The following PSD2 variants were observed in gnomAD, a reference collection of about 807,000 sequenced individuals.
PSD2 encodes the protein pleckstrin and Sec7 domain containing 2.
PSD2 carries 38 observed loss-of-function variants against 69.8 expected under a neutral mutation model. That is an observed-to-expected ratio of 0.54 (90% CI 0.42 to 0.71). The LOEUF (loss-of-function observed/expected upper bound fraction) is 0.71, where lower values mean the gene tolerates loss of function less well. Among genes scored for constraint, PSD2 ranks in the 30% least tolerant of loss-of-function variants. The pLI, the probability that PSD2 is intolerant of heterozygous loss-of-function variation, is 0.00. For missense variants in PSD2, 943 were observed against 1,014.5 expected (o/e 0.93, Z 0.96); for synonymous variants, 412 against 423.0 (o/e 0.97, Z 0.32).
At chr5:139,835,900 T>A in intron 9 of PSD2, 134 bp downstream of exon 9, 1 of 815,722 alleles carries the variant, frequency 1.2e-6, no homozygotes, top group Non-Finnish European at 2.1e-6. Flanking sequence ...TACCTGTGTC[T>A]AGCTGGCGCA....
At chr5:139,755,969 T>C in the PSD2 span, among the ~76,000 whole-genome samples, 1 of 152,206 alleles carries the variant, frequency 6.6e-6, no homozygotes, top group East Asian at 1.9e-4. Context: ...ACAGGTTCAG[T>C]GTATGTGCCT....
chr5:139,821,887 T>C lies in PSD2; in HGVS notation c.1098-6T>C. 6.3e-7 allele frequency: 1 copy of C among 1,593,318 alleles called. No homozygotes were observed. The highest frequency in any genetic ancestry group is 1.1e-5 in the South Asian group (1 of 88,162). ...CTGCCCTCAGCAGCTTTGAATTGCC[T>C]TCCAGAACATTCTTGAAGGCCTTCC... On this transcript the variant is annotated splice_polypyrimidine_tract_variant and splice_region_variant and intron_variant, in intron 5 of 14. Transcript: ENST00000274710.
chr5:139,743,777 G>A, the PSD2 span: 1 of 152,346 alleles, frequency 6.6e-6, no homozygotes, highest in East Asian at 1.9e-4. Context: ...GGACCATACT[G>A]CTGAGAGTCT....
chr5:139,752,332 A>T, the PSD2 span, among the ~76,000 whole-genome samples: 1 of 151,378 alleles, frequency 6.6e-6, no homozygotes, highest in Non-Finnish European at 1.5e-5. Context: ...ACACCCTTCC[A>T]CTCCCACCCA....
In PSD2 at chr5:139,842,602, C is replaced by G; in HGVS notation, c.*128C>G. Reference sequence around the variant, plus strand: ...TGGGCAGCTAGAGGGGTGCAGAAAGCCTGTGGGCCCAGGAGATGGAGATGC... The same window carrying G: ...TGGGCAGCTAGAGGGGTGCAGAAAGGCTGTGGGCCCAGGAGATGGAGATGC... On this transcript the variant is annotated 3_prime_UTR_variant, in exon 15 of 15. Coordinates refer to ENST00000274710, the MANE Select transcript of PSD2 (RefSeq NM_032289.4). The G allele has an allele frequency of 1.1e-5, 9 of 800,168 alleles. No homozygotes were observed. The highest frequency in any genetic ancestry group is 1.8e-5 in the Non-Finnish European group (9 of 498,828). The allele number at this position is 800,168 out of a possible 1,614,324, so 49.6% of individuals were successfully genotyped here.
rs958679679 is a variant in PSD2, at chr5:139,842,803, C to T, written c.*329C>T. On this transcript the variant is annotated 3_prime_UTR_variant, in exon 15 of 15. Coordinates refer to ENST00000274710, the MANE Select transcript of PSD2 (RefSeq NM_032289.4). ...GGCTGTTGTCTTCCCAGGTCTTTCT[C>T]TTCTCATCAAGCTCCTCTCCTCATC... 3 of 249,438 alleles carry T rather than the reference C, an allele frequency of 1.2e-5. No individual in the cohort carries two copies. Among genetic ancestry groups the T allele is most frequent in the Non-Finnish European group, 2.3e-5 (3 of 128,486 alleles). 15.5% of individuals were successfully genotyped at this position (249,438 alleles called of 1,614,324 possible). A position where few individuals can be genotyped will look rare whatever the true frequency, so the allele number is the denominator to read the frequency against.
At chr5:139,819,130 T>C (rs990964772) in intron 5 of PSD2, among the ~76,000 whole-genome samples, 3 of 152,250 alleles carry the variant, frequency 2.0e-5, no homozygotes, top group African/African-American at 7.2e-5. Flanking sequence ...ATACTTTGTA[T>C]AGAATTGTAG....
rs986480463 is a variant in PSD2 at position 139,804,979 on chromosome 5, G to A, written c.-50-4412G>A. ...TGTGTATGTGTGCGTGTGTGCGTGC[G>A]TGTGTGCATGTGTGTGTCTCTGTGT... is the stretch of plus-strand genomic sequence containing the variant. On this transcript the variant is annotated intron_variant, in intron 1 of 14. Coordinates refer to ENST00000274710, the MANE Select transcript of PSD2 (RefSeq NM_032289.4). Among the ~76,000 whole-genome samples the A allele has an allele frequency of 9.2e-5, 14 of 151,736 alleles. No individual in the cohort carries two copies. In the South Asian group the frequency reaches 1.5e-3, roughly 16 times the overall value.
chr5:139,800,439 G>T (rs927526875), intron 1 of PSD2, among the ~76,000 whole-genome samples: 1 of 152,208 alleles, frequency 6.6e-6, no homozygotes, highest in Non-Finnish European at 1.5e-5. Context: ...CTTTGTGTGT[G>T]TGTGTAGAGA....
chr5:139,780,360 G>A, the PSD2 span, among the ~76,000 whole-genome samples: 2 of 152,220 alleles, frequency 1.3e-5, no homozygotes, highest in Admixed American at 6.5e-5. Context: ...CCAGCTCTCC[G>A]TGACCCTGAA....
upstream of PSD2, among the ~76,000 whole-genome samples, chr5:139,793,472 T>C (rs1439544275): frequency 6.6e-6 from 1 of 152,202 alleles, no homozygotes; most frequent in Non-Finnish European, 1.5e-5. Context: ...TTGGGGGGAC[T>C]GGACTAGAAC....
rs1172146674 is a variant in PSD2 at position 139,844,460 on chromosome 5, G to C, written c.*1986G>C. ...GAGATGAAAATAAATCTAAGTCAAA[G>C]TTCTAATAGTTCTTCCTGCATTCGA... On this transcript the variant is annotated 3_prime_UTR_variant, in exon 15 of 15. Transcript: ENST00000274710. The C allele has an allele frequency of 1.3e-5, 2 of 152,538 alleles. No homozygotes were observed. The highest frequency in any genetic ancestry group is 3.8e-4 in the East Asian group (2 of 5,200). The allele number at this position is 152,538 out of a possible 1,614,324, so 9.4% of individuals were successfully genotyped here.
chr5:139,807,453 G>A (rs1454638281), intron 1 of PSD2, among the ~76,000 whole-genome samples: 1 of 148,654 alleles, frequency 6.7e-6, no homozygotes, highest in Admixed American at 6.9e-5. Context: ...AGCAACTACA[G>A]CAGCAGGGAT....
At chr5:139,745,418 G>A in the PSD2 span, among the ~76,000 whole-genome samples, 1 of 152,266 alleles carries the variant, frequency 6.6e-6, no homozygotes, top group Non-Finnish European at 1.5e-5. Flanking sequence ...CCCACTCCAA[G>A]TCCTGAGTCA....
intron 7 of PSD2, among the ~76,000 whole-genome samples, chr5:139,831,666 A>C (rs1281078960): frequency 6.6e-6 from 1 of 152,202 alleles, no homozygotes; most frequent in Non-Finnish European, 1.5e-5. Context: ...CTCTTAACTT[A>C]CATACTCCTG....
the PSD2 span, among the ~76,000 whole-genome samples, chr5:139,780,463 AGACATT>A: frequency 2.4e-4 from 36 of 151,816 alleles, no homozygotes; most frequent in Middle Eastern, 3.4e-3. Flanking sequence ...TCTTTTTTTG[AGACATT>A]GTCTCGCTCT....
the PSD2 span, among the ~76,000 whole-genome samples, chr5:139,780,195 G>T: frequency 6.6e-6 from 1 of 152,256 alleles, no homozygotes; most frequent in South Asian, 2.1e-4. Context: ...TCTCAGCTCA[G>T]AACACAATGG....
chr5:139,836,014 G>C (rs1356321368), intron 9 of PSD2, among the ~76,000 whole-genome samples: 2 of 152,232 alleles, frequency 1.3e-5, no homozygotes, highest in African/African-American at 4.8e-5. Flanking sequence ...TTAGTTCTAT[G>C]ATGTCCACAG....
Position 139,839,868 on chromosome 5 carries a change from A to C in PSD2, c.1969-159A>C, listed in dbSNP as rs1760828960. Reference sequence around the variant, plus strand: ...GAGGAAGGGAGGTGGGAGGAAGAGCATGCCCTCAGGTCCAGAGTCTGGCTC... The same window carrying C: ...GAGGAAGGGAGGTGGGAGGAAGAGCCTGCCCTCAGGTCCAGAGTCTGGCTC... On this transcript the variant is annotated intron_variant, in intron 13 of 14. Coordinates refer to ENST00000274710, the MANE Select transcript of PSD2 (RefSeq NM_032289.4). This position sits in a 1 kb window ranked among gnomAD's most constrained non-coding sequence, Gnocchi z 5.1. Among the ~76,000 whole-genome samples the C allele has an allele frequency of 6.6e-6, 1 of 152,144 alleles. No homozygotes were observed. Among genetic ancestry groups the C allele is most frequent in the Non-Finnish European group, 1.5e-5 (1 of 68,012 alleles).
Sources: gnomAD v4.1 joint callset for allele counts (sites outside exome capture counted in the v4.1 genomes callset) on GRCh38, gnomAD v4.1.1 for gene constraint, Gnocchi (gnomAD v3.1) non-coding constraint, MANE v1.5 for transcripts, NCBI Gene and HGNC (gene_info 2026-07-23, HGNC 2026-07-21) for gene names.